The following TRPM3 variants were observed in gnomAD, a reference collection of about 807,000 sequenced individuals.
TRPM3 encodes long transient receptor potential channel 3.
A neutral mutation model predicts 181.2 loss-of-function variants in TRPM3; 77 were observed. That is an observed-to-expected ratio of 0.42 (90% confidence interval 0.35 to 0.51). TRPM3 has a LOEUF of 0.51. Ranked by LOEUF, TRPM3 falls within the 20% of genes least tolerant of loss-of-function variation. The pLI is 0.01. For synonymous variants in TRPM3, 745 were observed against 796.4 expected (o/e 0.94, Z 1.09); for missense variants, 1,759 against 2,196.7 (o/e 0.80, Z 3.98).
At chr9:70,900,328 G>A (rs931640849) in intron 1 of TRPM3, among the ~76,000 whole-genome samples, 4 of 151,932 alleles carry the variant, frequency 2.6e-5, no homozygotes, top group Admixed American at 6.6e-5. Context: ...GTGACAGAGT[G>A]AGACTCTGTC....
intron 1 of TRPM3, among the ~76,000 whole-genome samples, chr9:71,346,283 T>C (rs949965397): frequency 2.6e-5 from 4 of 152,200 alleles, no homozygotes; most frequent in African/African-American, 9.6e-5. Context: ...TTTAAAAAAT[T>C]GTTTAATTTG....
intron 1 of TRPM3, among the ~76,000 whole-genome samples, chr9:71,088,086 G>C (rs1291898260): frequency 1.3e-5 from 2 of 152,032 alleles, no homozygotes; most frequent in Non-Finnish European, 2.9e-5. Context: ...GAAAAACTCT[G>C]TTCTTTAATG....
At chr9:71,167,740 G>C (rs77471613) in intron 1 of TRPM3, among the ~76,000 whole-genome samples, 1,638 of 152,144 alleles carry the variant, frequency 0.011, 28 homozygotes, top group East Asian at 0.075. Context: ...TTTCTTGCTA[G>C]GAGAGGTTTG....
At chr9:70,978,191 A>C (rs188995567) in intron 1 of TRPM3, among the ~76,000 whole-genome samples, 1 of 152,302 alleles carries the variant, frequency 6.6e-6, no homozygotes, top group East Asian at 1.9e-4. Flanking sequence ...AACCAGGAAC[A>C]CCTGCCAAAT....
chr9:70,637,912 A>C lies in TRPM3; in HGVS notation c.1581+1148T>G, dbSNP rs2057465627. ...GAATTCATGTTGAAAGTTAATTTCC[A>C]ATGTACTAGTATTAAGAAGTGGGGC... On this transcript the variant is annotated intron_variant, in intron 11 of 25. Coordinates refer to ENST00000677713, the MANE Select transcript of TRPM3 (RefSeq NM_001366145.2). Among the ~76,000 whole-genome samples, 3 of 152,292 alleles carry C rather than the reference A, an allele frequency of 2.0e-5. No individual in the cohort carries two copies. The South Asian group carries it at 6.2e-4, about 32-fold the overall frequency.
chr9:70,579,709 A>G (rs952206002), intron 22 of TRPM3, among the ~76,000 whole-genome samples: 1 of 152,210 alleles, frequency 6.6e-6, no homozygotes, highest in Non-Finnish European at 1.5e-5. Context: ...TGATCCTGAT[A>G]TTCAAGTTCA....
chr9:70,862,207 T>C (rs60359629), intron 3 of TRPM3, among the ~76,000 whole-genome samples: 148 of 152,260 alleles, frequency 9.7e-4, no homozygotes, highest in African/African-American at 3.5e-3. Flanking sequence ...CAATAGCATC[T>C]AGAATTTTCA....
At chr9:71,073,239 A>G (rs898881483) in intron 1 of TRPM3, among the ~76,000 whole-genome samples, 22 of 152,192 alleles carry the variant, frequency 1.4e-4, no homozygotes, top group Non-Finnish European at 2.2e-4. Context: ...CATAAAGATG[A>G]GAATGAACGG....
chr9:70,677,921 A>ATTT (rs35877978), intron 9 of TRPM3, among the ~76,000 whole-genome samples: 1 of 144,520 alleles, frequency 6.9e-6, no homozygotes, highest in Non-Finnish European at 1.5e-5. Context: ...ATAATAAACA[A>ATTT]TTTTTTTTTT....
At chr9:70,888,388 TGTGTGTGTGTGTGTTCCA>T (rs1171310797) in intron 1 of TRPM3, among the ~76,000 whole-genome samples, 1 of 151,706 alleles carries the variant, frequency 6.6e-6, no homozygotes, top group African/African-American at 2.4e-5. Context: ...TGTGTGTGTG[TGTGTGTGTGTGTGTTCCA>T]ATCCTAGAAG....
At chr9:70,973,111 ATT>A (rs2097263071) in intron 1 of TRPM3, among the ~76,000 whole-genome samples, 1 of 152,204 alleles carries the variant, frequency 6.6e-6, no homozygotes, top group Admixed American at 6.5e-5. Context: ...AGGCCCTGGA[ATT>A]TGTTTCTGCT....
intron 1 of TRPM3, among the ~76,000 whole-genome samples, chr9:70,981,430 G>A (rs2097362555): frequency 6.6e-6 from 1 of 152,172 alleles, no homozygotes; most frequent in South Asian, 2.1e-4. Context: ...ATGTCATCTT[G>A]AAAAGGTGGG....
intron 1 of TRPM3, among the ~76,000 whole-genome samples, chr9:70,904,672 G>A (rs1046980720): frequency 1.3e-5 from 2 of 152,172 alleles, no homozygotes; most frequent in Non-Finnish European, 2.9e-5. Context: ...GCTAAATTGG[G>A]TTTGTTATAC....
chr9:71,019,302 C>G (rs1031305294), intron 1 of TRPM3, among the ~76,000 whole-genome samples: 3 of 151,828 alleles, frequency 2.0e-5, no homozygotes, highest in African/African-American at 7.2e-5. Flanking sequence ...TGGAAAGGAA[C>G]TAATAAATCT....
At chr9:70,620,034 CT>C in intron 16 of TRPM3, 41 bp downstream of exon 16, 1 of 1,560,656 alleles carries the variant, frequency 6.4e-7, no homozygotes, top group Non-Finnish European at 8.7e-7. Flanking sequence ...CCCACCTTTC[CT>C]CCTCTCCCCC....
intron 8 of TRPM3, among the ~76,000 whole-genome samples, chr9:70,746,545 T>A (rs1456089994): frequency 6.6e-6 from 1 of 152,122 alleles, no homozygotes; most frequent in Non-Finnish European, 1.5e-5. Flanking sequence ...GGGAAAGTCG[T>A]CAGCTCTGTA....
chr9:70,942,929 G>GA (rs2133579603), intron 1 of TRPM3, among the ~76,000 whole-genome samples: 1 of 152,202 alleles, frequency 6.6e-6, no homozygotes, highest in African/African-American at 2.4e-5. Context: ...TGGCTTTGGG[G>GA]ATTAAAGATA....
chr9:71,138,078 C>T (rs2074876275), intron 1 of TRPM3, among the ~76,000 whole-genome samples: 1 of 151,740 alleles, frequency 6.6e-6, no homozygotes, highest in Non-Finnish European at 1.5e-5. Context: ...CTTGCCACTG[C>T]ACCCCAGCCT....
intron 1 of TRPM3, among the ~76,000 whole-genome samples, chr9:71,214,509 C>T (rs961106233): frequency 5.9e-5 from 9 of 152,192 alleles, no homozygotes; most frequent in African/African-American, 2.2e-4. Context: ...TGCTGACCAA[C>T]TGCTCTAGAC....
Sources: allele counts gnomAD v4.1 joint callset (sites outside exome capture counted in the v4.1 genomes callset), GRCh38; gene constraint gnomAD v4.1.1; transcripts MANE v1.5; gene names NCBI Gene and HGNC (gene_info 2026-07-23, HGNC 2026-07-21).